IQCK: variants seen among roughly 807,000 people sequenced by gnomAD.
IQCK encodes the protein IQ motif containing K, also known as IQ domain-containing protein K.
A neutral mutation model predicts 28.1 loss-of-function variants in IQCK; 29 were observed. That is an observed-to-expected ratio of 1.03 (90% CI 0.77 to 1.41). The LOEUF is 1.41. IQCK is among the 40% of genes most tolerant of loss of function. IQCK has a pLI of 0.00. For missense variants in IQCK, 359 were observed against 314.7 expected, an observed-to-expected ratio of 1.14 and a Z score of -1.07; for synonymous variants, 113 against 115.1, an observed-to-expected ratio of 0.98 and a Z score of 0.12.
chr16:19,725,819 A>G (rs1054580651), intron 1 of IQCK, among the ~76,000 whole-genome samples: 1 of 152,236 alleles, frequency 6.6e-6, no homozygotes, highest in African/African-American at 2.4e-5. Context: ...TCATACTTCT[A>G]CATAATCATT....
At chr16:19,746,812 G>A (rs2054919037) in intron 4 of IQCK, among the ~76,000 whole-genome samples, 1 of 152,202 alleles carries the variant, frequency 6.6e-6, no homozygotes, top group African/African-American at 2.4e-5. Flanking sequence ...AGCTTTGTCC[G>A]CCGGCTTTGA....
rs575104766 is a variant in IQCK, at chr16:19,808,888, A to G, written c.691-18138A>G. Among the ~76,000 whole-genome samples the G allele has an allele frequency of 4.6e-5, 7 of 152,008 alleles. No homozygotes were observed. In the South Asian group the frequency reaches 1.5e-3, roughly 32 times the overall value. ...GTCATTTTTTTTAGACAGAGTTTTC[A>G]CTCTTGTTGTCCAGGCTGGAGTGCA... is the stretch of plus-strand genomic sequence containing the variant. On this transcript the variant is annotated intron_variant, in intron 7 of 7. Transcript: ENST00000564186.
intron 4 of IQCK, among the ~76,000 whole-genome samples, chr16:19,749,844 G>A (rs1281763222): frequency 6.6e-6 from 1 of 152,070 alleles, no homozygotes; most frequent in East Asian, 1.9e-4. Context: ...TATTTTTATA[G>A]TCATAGCTGT....
chr16:19,856,369 C>T (rs775434117), intron 9 of IQCK, 118 bp from the exon 9 acceptor site: 28 of 730,832 alleles, frequency 3.8e-5, no homozygotes, highest in Non-Finnish European at 6.0e-5. Flanking sequence ...GAATAGCAGG[C>T]GCACAGTGGG....
intron 4 of IQCK, among the ~76,000 whole-genome samples, chr16:19,741,829 A>T (rs566101383): frequency 6.6e-6 from 1 of 152,238 alleles, no homozygotes; most frequent in African/African-American, 2.4e-5. Flanking sequence ...TCTACTAAAA[A>T]TACCAAAATT....
intron 6 of IQCK, among the ~76,000 whole-genome samples, chr16:19,769,432 C>T (rs1234864359): frequency 6.6e-6 from 1 of 152,172 alleles, no homozygotes; most frequent in Non-Finnish European, 1.5e-5. Context: ...CAAGCCCAAC[C>T]TATAGTAACA....
At chr16:19,823,849 C>A (rs1335955416) in intron 7 of IQCK, among the ~76,000 whole-genome samples, 2 of 152,106 alleles carry the variant, frequency 1.3e-5, no homozygotes, top group Non-Finnish European at 2.9e-5. Flanking sequence ...AGCAGAATTG[C>A]TTCAACCCAG....
At position 19,748,324 on chromosome 16, in the gene IQCK, C is replaced by T. The variant is rs187935559; in HGVS notation, c.474+12874C>T. On this transcript the variant is annotated intron_variant, in intron 4 of 7. Coordinates refer to ENST00000564186, the Ensembl canonical transcript of IQCK. ...TTCTGACTTTAGGTGATCCGCCCAC[C>T]TCTGCCTCCCAAAGTGCTGGAATTA... Among the ~76,000 whole-genome samples, 384 of 152,210 alleles carry T rather than the reference C, an allele frequency of 2.5e-3. 4 individuals are homozygous for T. Among genetic ancestry groups the T allele is most frequent in the Non-Finnish European group, 3.4e-3 (234 of 68,002 alleles).
intron 4 of IQCK, among the ~76,000 whole-genome samples, chr16:19,748,478 A>G (rs1315733163): frequency 6.6e-6 from 1 of 152,248 alleles, no homozygotes. Context: ...TATGTAGTAC[A>G]TCGTAGTAAT....
intron 6 of IQCK, among the ~76,000 whole-genome samples, chr16:19,780,061 G>A (rs557603607): frequency 1.1e-4 from 15 of 137,958 alleles, no homozygotes; most frequent in African/African-American, 3.8e-4. Flanking sequence ...TTATTTATTT[G>A]AGATGGAGTC....
At chr16:19,768,307 C>T (rs1335528525) in intron 6 of IQCK, among the ~76,000 whole-genome samples, 1 of 152,110 alleles carries the variant, frequency 6.6e-6, no homozygotes, top group African/African-American at 2.4e-5. Context: ...AGTTTGAGTA[C>T]AGCTTAATGA....
At chr16:19,856,664 A>G (rs1014794025) in exon 10 of IQCK, 3 of 807,232 alleles carry the variant, frequency 3.7e-6, no homozygotes, top group African/African-American at 3.4e-5. Context: ...ACATGTGCAA[A>G]TGGAATCTTT....
chr16:19,846,811 G>A (rs62025056), intron 9 of IQCK, among the ~76,000 whole-genome samples: 3,198 of 151,892 alleles, frequency 0.021, 65 homozygotes, highest in Non-Finnish European at 0.031. Flanking sequence ...GGGCAGAGGG[G>A]CATAGATTTT....
chr16:19,737,902 C>G (rs2054779880), intron 4 of IQCK, among the ~76,000 whole-genome samples: 1 of 152,094 alleles, frequency 6.6e-6, no homozygotes, highest in South Asian at 2.1e-4. Flanking sequence ...CTTGTTTTTC[C>G]AAACTCAGCT....
chr16:19,811,951 C>T (rs1417082668), intron 7 of IQCK, among the ~76,000 whole-genome samples: 1 of 151,608 alleles, frequency 6.6e-6, no homozygotes, highest in African/African-American at 2.4e-5. Context: ...TCAGTGATCT[C>T]AGTGTCATCA....
At chr16:19,728,502 G>C (rs1977729505) in intron 1 of IQCK, among the ~76,000 whole-genome samples, 1 of 152,060 alleles carries the variant, frequency 6.6e-6, no homozygotes, top group African/African-American at 2.4e-5. Context: ...CACCCACCTT[G>C]GCCTCGTAAA....
chr16:19,842,447 A>G (rs1316708466), intron 9 of IQCK, among the ~76,000 whole-genome samples: 1 of 152,186 alleles, frequency 6.6e-6, no homozygotes, highest in Non-Finnish European at 1.5e-5. Context: ...GAATTTGCCA[A>G]GGTGGTGTGT....
At chr16:19,751,903 T>C (rs575328250) in intron 4 of IQCK, among the ~76,000 whole-genome samples, 10 of 152,222 alleles carry the variant, frequency 6.6e-5, no homozygotes, top group African/African-American at 2.4e-4. Context: ...TATAGCTGCC[T>C]TCCTGAGTGC....
intron 1 of IQCK, among the ~76,000 whole-genome samples, chr16:19,718,876 T>C (rs572991490): frequency 3.3e-5 from 5 of 152,278 alleles, no homozygotes; most frequent in Admixed American, 6.5e-5. Context: ...GAGCTTCAAA[T>C]TGGGATGCAG....
Sources: allele counts gnomAD v4.1 joint callset (sites outside exome capture counted in the v4.1 genomes callset), GRCh38; gene constraint gnomAD v4.1.1; transcripts MANE v1.5; gene names NCBI Gene and HGNC (gene_info 2026-07-23, HGNC 2026-07-21).